The following ANKS1B variants were observed in gnomAD, a reference collection of about 807,000 sequenced individuals.
ANKS1B encodes ankyrin repeat and sterile alpha motif domain containing 1B.
In ANKS1B, 36 loss-of-function variants were observed where a neutral mutation model predicts 148.3. The ratio of observed to expected loss-of-function variants is 0.24; its 90% confidence interval spans 0.19 to 0.32. ANKS1B has a LOEUF of 0.32. Ranked by LOEUF, ANKS1B falls within the 10% of genes least tolerant of loss-of-function variation. ANKS1B has a pLI of 1.00. For missense variants in ANKS1B, 1,157 were observed against 1,542.6 expected, an observed-to-expected ratio of 0.75 and a Z score of 4.19; for synonymous variants, 542 against 560.8, an observed-to-expected ratio of 0.97 and a Z score of 0.47.
At chr12:98,865,652 T>TGG (rs1328512307) in intron 17 of ANKS1B, among the ~76,000 whole-genome samples, 3 of 151,846 alleles carry the variant, frequency 2.0e-5, no homozygotes, top group African/African-American at 7.3e-5. Context: ...TGTGTGTTGG[T>TGG]GGGGAGGTGG....
intron 9 of ANKS1B, among the ~76,000 whole-genome samples, chr12:99,614,603 T>C (rs2097934566): frequency 6.6e-6 from 1 of 152,004 alleles, no homozygotes; most frequent in African/African-American, 2.4e-5. Context: ...ACTTCCTTTC[T>C]ACTTTCACAT....
At chr12:99,644,430 A>C (rs2098339726) in intron 9 of ANKS1B, among the ~76,000 whole-genome samples, 1 of 152,184 alleles carries the variant, frequency 6.6e-6, no homozygotes, top group African/African-American at 2.4e-5. Context: ...TATAAACATT[A>C]TGTTTATGAC....
chr12:99,678,537 C>G (rs1266353762), intron 8 of ANKS1B, among the ~76,000 whole-genome samples: 1 of 152,132 alleles, frequency 6.6e-6, no homozygotes, highest in Admixed American at 6.5e-5. Flanking sequence ...AGAGAAAATT[C>G]TCCTACCTGT....
chr12:99,246,435 A>G lies in ANKS1B; in HGVS notation c.2186T>C (p.Met729Thr), dbSNP rs530705312. Reference sequence around the variant, plus strand: ...TTTAGAGACACTTTTTGACAAATGCATGTCGATCAAGGCTTTAGGCAATGA... The same window carrying G: ...TTTAGAGACACTTTTTGACAAATGCGTGTCGATCAAGGCTTTAGGCAATGA... ...IRSLPKALIDMHLSKSVSKSD... is the reference protein window; with the variant it reads ...IRSLPKALIDTHLSKSVSKSD... The change falls in exon 13 of 27, where the codon ATG becomes ACG. Residue 729 changes from methionine to threonine, a missense_variant. Transcript: ENST00000683438. 106 of 1,613,892 alleles carry G rather than the reference A, an allele frequency of 6.6e-5. No homozygotes were observed. The highest frequency in any genetic ancestry group is 8.7e-5 in the Non-Finnish European group (103 of 1,179,870).
intron 17 of ANKS1B, among the ~76,000 whole-genome samples, chr12:98,999,409 T>A (rs1428150292): frequency 6.6e-6 from 1 of 152,178 alleles, no homozygotes. Context: ...GTCATTCTGT[T>A]TCCCATTGCT....
At chr12:99,528,347 T>C (rs559232771) in intron 9 of ANKS1B, among the ~76,000 whole-genome samples, 15 of 150,718 alleles carry the variant, frequency 1.0e-4, no homozygotes, top group South Asian at 6.3e-4. Context: ...CCAAAAACAA[T>C]TGCAACAAAA....
chr12:99,033,005 C>A (rs1336494142), intron 17 of ANKS1B, among the ~76,000 whole-genome samples: 2 of 152,188 alleles, frequency 1.3e-5, no homozygotes, highest in African/African-American at 2.4e-5. Flanking sequence ...CAAAACATTT[C>A]TTGCAAATTA....
intron 17 of ANKS1B, among the ~76,000 whole-genome samples, chr12:99,052,746 A>AAAAAAAG (rs2099967036): frequency 6.9e-6 from 1 of 144,362 alleles, no homozygotes; most frequent in Admixed American, 6.8e-5. Context: ...AAAAAAAAAA[A>AAAAAAAG]AAAAAAAAAA....
chr12:99,872,357 T>C (rs1447902898), intron 1 of ANKS1B, among the ~76,000 whole-genome samples: 1 of 152,118 alleles, frequency 6.6e-6, no homozygotes, highest in Admixed American at 6.6e-5. Context: ...TTTTGCTTCA[T>C]AATAATTCAT....
At chr12:99,920,158 C>T (rs1465497066) in intron 1 of ANKS1B, among the ~76,000 whole-genome samples, 1 of 152,088 alleles carries the variant, frequency 6.6e-6, no homozygotes, top group Non-Finnish European at 1.5e-5. Context: ...TGTATGAGGG[C>T]CCCACTATCC....
intron 6 of ANKS1B, among the ~76,000 whole-genome samples, chr12:99,777,661 T>C (rs2063790988): frequency 6.6e-6 from 1 of 152,086 alleles, no homozygotes. Flanking sequence ...CTCGGCTCAC[T>C]GCAACCTCTG....
chr12:98,966,195 C>T (rs1305545446), intron 17 of ANKS1B, among the ~76,000 whole-genome samples: 7 of 151,918 alleles, frequency 4.6e-5, no homozygotes, highest in Non-Finnish European at 8.8e-5. Flanking sequence ...CTCAAACAAA[C>T]TTACAAGAAA....
At chr12:99,742,008 A>C (rs939112022) in intron 8 of ANKS1B, among the ~76,000 whole-genome samples, 4 of 152,118 alleles carry the variant, frequency 2.6e-5, no homozygotes, top group Non-Finnish European at 5.9e-5. Context: ...GGAAGAGAAA[A>C]CCAAATACCA....
chr12:99,871,597 T>C (rs942546422), intron 1 of ANKS1B, among the ~76,000 whole-genome samples: 1 of 152,230 alleles, frequency 6.6e-6, no homozygotes, highest in Non-Finnish European at 1.5e-5. Flanking sequence ...CAGCAGTGTT[T>C]AGTAGTTCTC....
At chr12:99,213,162 C>T (rs1485540183) in intron 14 of ANKS1B, among the ~76,000 whole-genome samples, 1 of 152,206 alleles carries the variant, frequency 6.6e-6, no homozygotes, top group African/African-American at 2.4e-5. Flanking sequence ...ATTACACCTG[C>T]CAGTGACCTG....
chr12:99,550,061 T>C (rs1018664866), intron 9 of ANKS1B, among the ~76,000 whole-genome samples: 4 of 152,232 alleles, frequency 2.6e-5, no homozygotes, highest in African/African-American at 9.6e-5. Flanking sequence ...TGTGTTGTTG[T>C]TGAGCCAGCA....
At position 99,965,860 on chromosome 12, in the gene ANKS1B, CAAAAT is replaced by C. The variant is rs1304738317; in HGVS notation, c.134+18239_134+18243del. ...CCGGGAGGCAGAGCTTGCAGTGAGC[CAAAAT>C]TGCGCCACTGCACTCCAGCCTGGGC... On this transcript the variant is annotated intron_variant, in intron 1 of 26. Coordinates refer to ENST00000683438, the MANE Select transcript of ANKS1B (RefSeq NM_001352186.2). 2.6e-5 allele frequency among the ~76,000 whole-genome samples: 4 copies of C among 152,086 alleles called. No individual in the cohort carries two copies. In the East Asian group the frequency reaches 7.7e-4, roughly 29 times the overall value.
chr12:99,552,182 G>A (rs2097226181), intron 9 of ANKS1B, among the ~76,000 whole-genome samples: 1 of 151,974 alleles, frequency 6.6e-6, no homozygotes, highest in Non-Finnish European at 1.5e-5. Context: ...ACACATTCTT[G>A]CAGAATCCTA....
chr12:99,459,112 C>G (rs1185537874), intron 10 of ANKS1B, among the ~76,000 whole-genome samples: 1 of 152,028 alleles, frequency 6.6e-6, no homozygotes, highest in Non-Finnish European at 1.5e-5. Flanking sequence ...TTAACATTCA[C>G]AAATCAATAA....
Sources: allele counts gnomAD v4.1 joint callset (sites outside exome capture counted in the v4.1 genomes callset), GRCh38; gene constraint gnomAD v4.1.1; transcripts MANE v1.5; gene names NCBI Gene and HGNC (gene_info 2026-07-23, HGNC 2026-07-21).